CTNNA3: variants seen among roughly 807,000 people sequenced by gnomAD.
The protein encoded by CTNNA3 is catenin alpha-3.
A neutral mutation model predicts 95.7 loss-of-function variants in CTNNA3; 76 were observed. The ratio of observed to expected loss-of-function variants is 0.79; its 90% CI spans 0.66 to 0.96. The LOEUF (loss-of-function observed/expected upper bound fraction) is 0.96. CTNNA3 is among the 40% of genes least tolerant of loss of function. The pLI, the probability that CTNNA3 is intolerant of heterozygous loss-of-function variation, is 0.00. For missense variants in CTNNA3, 1,191 were observed against 1,089.8 expected (o/e 1.09, Z -1.31); for synonymous variants, 431 against 374.4 (o/e 1.15, Z -1.74).
At chr10:65,996,551 T>G (rs1356435924) in intron 15 of CTNNA3, among the ~76,000 whole-genome samples, 1 of 152,114 alleles carries the variant, frequency 6.6e-6, no homozygotes, top group African/African-American at 2.4e-5. Flanking sequence ...AATGACACTG[T>G]GCTACAACTG....
At chr10:66,633,498 G>A (rs1845222081) in intron 9 of CTNNA3, among the ~76,000 whole-genome samples, 1 of 151,986 alleles carries the variant, frequency 6.6e-6, no homozygotes, top group Non-Finnish European at 1.5e-5. Context: ...GGCTAACATG[G>A]TGAAACCCCG....
At chr10:66,678,518 T>C (rs1175148124) in intron 9 of CTNNA3, among the ~76,000 whole-genome samples, 2 of 152,162 alleles carry the variant, frequency 1.3e-5, no homozygotes, top group Non-Finnish European at 2.9e-5. Context: ...ATTCAATGTT[T>C]ATAAGTATGT....
chr10:66,197,002 T>C (rs899707385), intron 13 of CTNNA3, among the ~76,000 whole-genome samples: 1 of 141,576 alleles, frequency 7.1e-6, no homozygotes, highest in Non-Finnish European at 1.5e-5. Context: ...CCAGTGATCA[T>C]GAGGAGTGTG....
chr10:67,537,589 A>T (rs923484225), intron 4 of CTNNA3, among the ~76,000 whole-genome samples: 3 of 152,174 alleles, frequency 2.0e-5, no homozygotes, highest in Non-Finnish European at 4.4e-5. Flanking sequence ...TTAAAATGGT[A>T]GTGAAGGTGG....
intron 5 of CTNNA3, among the ~76,000 whole-genome samples, chr10:67,316,990 C>T (rs970635763): frequency 2.0e-5 from 3 of 152,112 alleles, no homozygotes; most frequent in Non-Finnish European, 4.4e-5. Context: ...GTACCTTTAG[C>T]ACACATATAC....
intron 5 of CTNNA3, among the ~76,000 whole-genome samples, chr10:67,448,069 C>T (rs1483003233): frequency 4.6e-5 from 7 of 152,184 alleles, no homozygotes; most frequent in Admixed American, 1.3e-4. Flanking sequence ...TAGCTGAGTG[C>T]TTCTTGTCAC....
At chr10:66,121,400 A>C (rs1429879273) in intron 13 of CTNNA3, among the ~76,000 whole-genome samples, 1 of 152,158 alleles carries the variant, frequency 6.6e-6, no homozygotes, top group Non-Finnish European at 1.5e-5. Flanking sequence ...CTTCAAAAGA[A>C]GCTCCAGACT....
At chr10:66,331,354 T>C (rs1282803742) in intron 12 of CTNNA3, among the ~76,000 whole-genome samples, 5 of 123,816 alleles carry the variant, frequency 4.0e-5, no homozygotes, top group African/African-American at 1.0e-4. Flanking sequence ...TTTTTTTTTT[T>C]TTTTTTTTTT....
intron 7 of CTNNA3, among the ~76,000 whole-genome samples, chr10:67,064,816 A>G (rs1430260312): frequency 3.7e-5 from 5 of 136,082 alleles, no homozygotes; most frequent in African/African-American, 1.2e-4. Flanking sequence ...TAGATGTGGT[A>G]ACTTCTTTTC....
intron 11 of CTNNA3, among the ~76,000 whole-genome samples, chr10:66,387,267 A>G (rs1483759732): frequency 6.6e-6 from 1 of 152,120 alleles, no homozygotes; most frequent in Non-Finnish European, 1.5e-5. Flanking sequence ...AAACAAGTCC[A>G]TCAAAAAGTG....
chr10:67,197,451 T>C (rs1863431736), intron 6 of CTNNA3, among the ~76,000 whole-genome samples: 1 of 152,026 alleles, frequency 6.6e-6, no homozygotes. Context: ...TAGTAGAGCA[T>C]TAAAAAAAAG....
chr10:66,147,062 G>T (rs2083922155), intron 13 of CTNNA3, among the ~76,000 whole-genome samples: 1 of 152,026 alleles, frequency 6.6e-6, no homozygotes, highest in South Asian at 2.1e-4. Context: ...TTGCTGTTTT[G>T]TTGCTTCATG....
chr10:67,310,424 G>A (rs1442479399), intron 5 of CTNNA3, among the ~76,000 whole-genome samples: 2 of 152,092 alleles, frequency 1.3e-5, no homozygotes, highest in Non-Finnish European at 2.9e-5. Flanking sequence ...TAAAAGCAAA[G>A]TTTTCTGAGA....
chr10:67,132,210 A>G (rs140639914), intron 7 of CTNNA3, among the ~76,000 whole-genome samples: 2 of 152,264 alleles, frequency 1.3e-5, no homozygotes, highest in Admixed American at 1.3e-4. Context: ...TGCTAAATAC[A>G]TTGCAAAGCA....
chr10:67,144,040 C>G (rs563067119), intron 7 of CTNNA3, among the ~76,000 whole-genome samples: 4 of 152,290 alleles, frequency 2.6e-5, no homozygotes, highest in Admixed American at 2.6e-4. Flanking sequence ...TTCCTTGACC[C>G]ATGGGCTATA....
intron 5 of CTNNA3, among the ~76,000 whole-genome samples, chr10:67,329,358 G>A (rs1391321775): frequency 2.6e-5 from 4 of 152,174 alleles, no homozygotes; most frequent in Non-Finnish European, 5.9e-5. Flanking sequence ...GTGACAAAGT[G>A]AGACCCTGTC....
intron 7 of CTNNA3, among the ~76,000 whole-genome samples, chr10:66,994,636 G>C (rs146641273): frequency 0.01 from 1,525 of 152,258 alleles, 15 homozygotes; most frequent in South Asian, 0.016. Context: ...ATCTGACACT[G>C]TGAAAATTGC....
chr10:66,202,827 G>A lies in CTNNA3; in HGVS notation c.1884+77643C>T, dbSNP rs569580526. 2.6e-5 allele frequency among the ~76,000 whole-genome samples: 4 copies of A among 152,132 alleles called. No homozygotes were observed. The South Asian group carries it at 6.2e-4, about 24-fold the overall frequency. On this transcript the variant is annotated intron_variant, in intron 13 of 17. Coordinates refer to ENST00000433211, the MANE Select transcript of CTNNA3 (RefSeq NM_013266.4). ...CCTGAGGCACATCTGCTAGTCTTAC[G>A]GGTGAGATTTTAAACTCTTTTAAGG...
At chr10:67,338,155 T>G (rs1842060047) in intron 5 of CTNNA3, among the ~76,000 whole-genome samples, 1 of 152,106 alleles carries the variant, frequency 6.6e-6, no homozygotes, top group Admixed American at 6.6e-5. Flanking sequence ...GAAAACAGGT[T>G]TAATTGGTTC....
Sources: gnomAD v4.1 joint callset for allele counts (sites outside exome capture counted in the v4.1 genomes callset) on GRCh38, gnomAD v4.1.1 for gene constraint, MANE v1.5 for transcripts, NCBI Gene and HGNC (gene_info 2026-07-23, HGNC 2026-07-21) for gene names.